RBFOX3: variants seen among roughly 807,000 people sequenced by gnomAD.
The protein encoded by RBFOX3 is RNA binding protein fox-1 homolog 3.
Under a neutral mutation model 48.7 loss-of-function variants are expected in RBFOX3, and 17 were observed. The observed-to-expected ratio is 0.35, with a 90% confidence interval of 0.24 to 0.52. The LOEUF is 0.52. RBFOX3 is among the 20% of genes least tolerant of loss of function. RBFOX3 has a pLI of 0.94. For synonymous variants in RBFOX3, 212 were observed against 209.5 expected, an observed-to-expected ratio of 1.01 and a Z score of -0.10; for missense variants, 382 against 497.5, an observed-to-expected ratio of 0.77 and a Z score of 2.21.
At position 79,481,960 on chromosome 17, in the gene RBFOX3, A is replaced by T. The variant is rs1229091381; in HGVS notation, c.-175+494T>A. ...GAGTCTGACGCTGACTCCGGCGGTTAGTGTCAGAGCTGAACGGCAGTCACC... is the reference window on the plus strand; with the variant it reads ...GAGTCTGACGCTGACTCCGGCGGTTTGTGTCAGAGCTGAACGGCAGTCACC... On this transcript the variant is annotated intron_variant, in intron 2 of 14. Transcript: ENST00000693108. This position sits in a 1 kb window ranked among gnomAD's most constrained non-coding sequence, Gnocchi z 5.4. Among the ~76,000 whole-genome samples, 1 of 152,096 alleles carries T rather than the reference A, an allele frequency of 6.6e-6. No individual in the cohort carries two copies. The highest frequency in any genetic ancestry group is 2.4e-5 in the African/African-American group (1 of 41,414).
chr17:79,629,986 TTTGTA>T, the RBFOX3 span, among the ~76,000 whole-genome samples: 1 of 152,196 alleles, frequency 6.6e-6, no homozygotes, highest in African/African-American at 2.4e-5. Context: ...GACGGGCTAT[TTTGTA>T]TTTTCTTTTT....
intron 4 of RBFOX3, among the ~76,000 whole-genome samples, chr17:79,157,584 C>T (rs570998008): frequency 1.3e-5 from 2 of 152,280 alleles, no homozygotes; most frequent in African/African-American, 2.4e-5. Context: ...GTACAGGGGC[C>T]GGGTTTCCCT....
At chr17:79,130,769 C>T (rs2038641265) in intron 4 of RBFOX3, among the ~76,000 whole-genome samples, 1 of 152,262 alleles carries the variant, frequency 6.6e-6, no homozygotes, top group African/African-American at 2.4e-5. Context: ...GAGTGGAGTG[C>T]CCTGTCCTTC....
chr17:79,635,695 T>A, the RBFOX3 span, among the ~76,000 whole-genome samples: 4 of 152,188 alleles, frequency 2.6e-5, no homozygotes, highest in African/African-American at 9.7e-5. Context: ...ATATCCCATA[T>A]AACAAAAGAT....
chr17:79,166,574 A>T (rs1455549173), intron 4 of RBFOX3, among the ~76,000 whole-genome samples: 2 of 152,056 alleles, frequency 1.3e-5, no homozygotes, highest in Non-Finnish European at 2.9e-5. Flanking sequence ...GGGAAGGTGA[A>T]GGCCCAACAC....
At position 79,515,163 on chromosome 17, in the gene RBFOX3, TC is replaced by T. The variant is rs1367049325; in HGVS notation, c.-319-32566del. ...CTTGGCAGAAGGGCAGAAGACCCTT[TC>T]CGGAGGAGCAACACTCAAGCCAAGT... On this transcript the variant is annotated intron_variant, in intron 1 of 14. Transcript: ENST00000693108. Among the ~76,000 whole-genome samples, 5 of 152,318 alleles carry T rather than the reference TC, an allele frequency of 3.3e-5. No individual in the cohort carries two copies. In the East Asian group the frequency reaches 9.7e-4, roughly 29 times the overall value.
intron 2 of RBFOX3, among the ~76,000 whole-genome samples, chr17:79,393,457 G>A (rs1259850902): frequency 3.3e-5 from 5 of 152,256 alleles, no homozygotes; most frequent in African/African-American, 4.8e-5. Flanking sequence ...GGTCCCTGGC[G>A]CCACCTCGCG....
intron 2 of RBFOX3, among the ~76,000 whole-genome samples, chr17:79,456,248 C>G (rs2074471265): frequency 6.6e-6 from 1 of 152,180 alleles, no homozygotes; most frequent in African/African-American, 2.4e-5. Flanking sequence ...TTGCTCTGTC[C>G]TCTTCTCCTA....
At chr17:79,344,121 T>C (rs2082509487) in intron 2 of RBFOX3, among the ~76,000 whole-genome samples, 1 of 152,102 alleles carries the variant, frequency 6.6e-6, no homozygotes, top group Non-Finnish European at 1.5e-5. Context: ...TGTAGGCAAA[T>C]GGGATGGATG....
At chr17:79,216,839 GC>G (rs35786831) in intron 4 of RBFOX3, among the ~76,000 whole-genome samples, 76,773 of 151,860 alleles carry the variant, frequency 0.51, 20,085 homozygotes, top group Non-Finnish European at 0.58. Context: ...CTGCCAAGTG[GC>G]AGAGCCAGAT....
intron 1 of RBFOX3, among the ~76,000 whole-genome samples, chr17:79,517,728 T>C (rs2085460846): frequency 6.6e-6 from 1 of 152,132 alleles, no homozygotes; most frequent in African/African-American, 2.4e-5. Flanking sequence ...CCACGGTCAT[T>C]AAATAGATTG....
chr17:79,437,727 C>T lies in RBFOX3; in HGVS notation c.-175+44727G>A, dbSNP rs557815501. ...GCTCCCCAGACTTCCCACCCTAGGC[C>T]GGCATGAGGCCTTGGTCCTGAAACC... On this transcript the variant is annotated intron_variant, in intron 2 of 14. Coordinates refer to ENST00000693108, the MANE Select transcript of RBFOX3 (RefSeq NM_001350451.2). 1.0e-3 allele frequency among the ~76,000 whole-genome samples: 153 copies of T among 152,352 alleles called. 1 individual carries two copies. Among genetic ancestry groups the T allele is most frequent in the African/African-American group, 3.4e-3 (143 of 41,590 alleles).
At chr17:79,444,722 T>C (rs2149063830) in intron 2 of RBFOX3, among the ~76,000 whole-genome samples, 2 of 152,088 alleles carry the variant, frequency 1.3e-5, no homozygotes, top group Non-Finnish European at 1.5e-5. Context: ...AACTGTGGGC[T>C]CTTCTCAACA....
At chr17:79,525,928 A>G (rs1244920239) in intron 1 of RBFOX3, among the ~76,000 whole-genome samples, 1 of 152,222 alleles carries the variant, frequency 6.6e-6, no homozygotes, top group African/African-American at 2.4e-5. Flanking sequence ...GGCTGGATTC[A>G]GTAGGACGAG....
rs529888540 is a variant in RBFOX3, at chr17:79,477,427, G to A, written c.-175+5027C>T. ...AAACATTAGCCAGACGTGGTGGCGG[G>A]CGCCTGTAGTCCCAGCTACTTGGGA... On this transcript the variant is annotated intron_variant, in intron 2 of 14. Transcript: ENST00000693108. The surrounding 1 kb of genome is among the most constrained non-coding windows in gnomAD (Gnocchi z 4.8). 6.6e-5 allele frequency among the ~76,000 whole-genome samples: 10 copies of A among 151,816 alleles called. No individual in the cohort carries two copies. In the South Asian group the frequency reaches 1.0e-3, roughly 16 times the overall value.
At chr17:79,660,551 A>G in the RBFOX3 span, among the ~76,000 whole-genome samples, 1 of 152,252 alleles carries the variant, frequency 6.6e-6, no homozygotes, top group Non-Finnish European at 1.5e-5. Flanking sequence ...AAAAAGCTCA[A>G]CATCACTGAA....
chr17:79,475,466 G>A (rs2077596713), intron 2 of RBFOX3, among the ~76,000 whole-genome samples: 1 of 152,126 alleles, frequency 6.6e-6, no homozygotes, highest in African/African-American at 2.4e-5. Context: ...CTTCCTCCCT[G>A]GCAGCCTTGG....
At chr17:79,176,995 G>A (rs953180059) in intron 4 of RBFOX3, among the ~76,000 whole-genome samples, 9 of 152,128 alleles carry the variant, frequency 5.9e-5, no homozygotes, top group Admixed American at 3.3e-4. Context: ...CTGCTGTCCC[G>A]GTCTGGGTCG....
chr17:79,409,899 G>A (rs1230134328), intron 2 of RBFOX3, among the ~76,000 whole-genome samples: 1 of 152,246 alleles, frequency 6.6e-6, no homozygotes, highest in East Asian at 1.9e-4. Context: ...GGCCCCTGTT[G>A]ATGGGGTCAA....
Sources: gnomAD v4.1 joint callset for allele counts (sites outside exome capture counted in the v4.1 genomes callset) on GRCh38, gnomAD v4.1.1 for gene constraint, Gnocchi (gnomAD v3.1) non-coding constraint, MANE v1.5 for transcripts, NCBI Gene and HGNC (gene_info 2026-07-23, HGNC 2026-07-21) for gene names.